ADAMTS17: variants seen among roughly 807,000 people sequenced by gnomAD.
The protein encoded by ADAMTS17 is A disintegrin and metalloproteinase with thrombospondin motifs 17.
In ADAMTS17, 113 loss-of-function variants were observed where a neutral mutation model predicts 141.5. The observed-to-expected ratio is 0.80, with a 90% confidence interval of 0.69 to 0.93. The LOEUF (loss-of-function observed/expected upper bound fraction) is 0.93, where lower values mean the gene tolerates loss of function less well. Among genes scored for constraint, ADAMTS17 ranks in the 40% least tolerant of loss-of-function variants. The pLI is 0.00. For synonymous variants in ADAMTS17, 768 were observed against 630.6 expected, an observed-to-expected ratio of 1.22 and a Z score of -3.27; for missense variants, 1,659 against 1,517.9, an observed-to-expected ratio of 1.09 and a Z score of -1.54.
intron 3 of ADAMTS17, among the ~76,000 whole-genome samples, chr15:100,287,810 C>T (rs973449418): frequency 1.3e-5 from 2 of 152,170 alleles, no homozygotes; most frequent in East Asian, 3.8e-4. Flanking sequence ...AAAGCAAATG[C>T]TAAGGGAATT....
At chr15:100,021,824 T>G (rs1028568573) in intron 18 of ADAMTS17, among the ~76,000 whole-genome samples, 2 of 152,008 alleles carry the variant, frequency 1.3e-5, no homozygotes, top group Admixed American at 1.3e-4. Context: ...CTGTTGGCTG[T>G]TCCTTCACTC....
intron 3 of ADAMTS17, chr15:100,306,451 C>T (rs577680178): frequency 1.4e-4 from 63 of 455,900 alleles, no homozygotes; most frequent in South Asian, 7.6e-4. Context: ...CACAGGTAGA[C>T]GCTCCACGTT....
chr15:100,201,599 T>C (rs2041336210), intron 7 of ADAMTS17, among the ~76,000 whole-genome samples: 1 of 152,238 alleles, frequency 6.6e-6, no homozygotes, highest in African/African-American at 2.4e-5. Flanking sequence ...AGGGCTCATG[T>C]TTCACACACT....
Position 100,254,026 on chromosome 15 carries a change from A to G in ADAMTS17, c.1075+110T>C, listed in dbSNP as rs2043243772. On this transcript the variant is annotated intron_variant, in intron 7 of 21. Transcript: ENST00000268070. ...ACCAACTTACAGGAAGGAAGGCAAC[A>G]GAATGTGCAGTGCTTGTTTGAGGAC... 2.9e-6 allele frequency: 3 copies of G among 1,024,408 alleles called. No homozygotes were observed. In the Admixed American group the frequency reaches 5.7e-5, roughly 19 times the overall value. 63.5% of individuals were successfully genotyped at this position (1,024,408 alleles called of 1,614,324 possible).
chr15:100,223,325 C>G (rs1416608504), intron 7 of ADAMTS17, among the ~76,000 whole-genome samples: 1 of 152,172 alleles, frequency 6.6e-6, no homozygotes, highest in Admixed American at 6.5e-5. Context: ...TAGGAAAAAG[C>G]ACTGACTCTT....
intron 3 of ADAMTS17, among the ~76,000 whole-genome samples, chr15:100,327,627 G>T (rs1474596307): frequency 1.3e-5 from 2 of 152,212 alleles, no homozygotes; most frequent in Non-Finnish European, 2.9e-5. Flanking sequence ...TCATAATGGA[G>T]AAATTAAAAC....
At chr15:100,077,801 T>C (rs1028473639) in intron 15 of ADAMTS17, among the ~76,000 whole-genome samples, 8 of 152,188 alleles carry the variant, frequency 5.3e-5, no homozygotes, top group African/African-American at 1.9e-4. Context: ...AGCATACAGA[T>C]TGGAAAGAAG....
At chr15:100,160,378 G>A (rs191049984) in intron 8 of ADAMTS17, among the ~76,000 whole-genome samples, 48 of 152,298 alleles carry the variant, frequency 3.2e-4, no homozygotes, top group Admixed American at 2.0e-3. Context: ...CTACCAGAAG[G>A]GTTTTTCAAA....
chr15:100,164,365 A>T (rs1300899576), intron 8 of ADAMTS17, among the ~76,000 whole-genome samples: 1 of 148,284 alleles, frequency 6.7e-6, no homozygotes, highest in Non-Finnish European at 1.5e-5. Flanking sequence ...CTCATCTATG[A>T]CTAAACAGGG....
chr15:100,014,115 G>C (rs531288560), intron 18 of ADAMTS17, among the ~76,000 whole-genome samples: 3 of 152,008 alleles, frequency 2.0e-5, no homozygotes, highest in African/African-American at 7.2e-5. Flanking sequence ...AAGCTAGAAG[G>C]GTTGTATTTT....
At position 100,304,679 on chromosome 15, in the gene ADAMTS17, T is replaced by C. The variant is rs148852170; in HGVS notation, c.617-23278A>G. ...ACCTCACAGTTATTCTCATCGCTAA[T>C]TCAAATGTACAAAGCCATTTCTGCT... On this transcript the variant is annotated intron_variant, in intron 3 of 21. Transcript: ENST00000268070. 1.3e-3 allele frequency among the ~76,000 whole-genome samples: 196 copies of C among 152,352 alleles called. 1 individual carries two copies. Among genetic ancestry groups the C allele is most frequent in the African/African-American group, 4.1e-3 (170 of 41,586 alleles).
chr15:100,177,908 T>C (rs1046058574), intron 8 of ADAMTS17, among the ~76,000 whole-genome samples: 1 of 152,212 alleles, frequency 6.6e-6, no homozygotes, highest in Admixed American at 6.5e-5. Flanking sequence ...CATTATACAA[T>C]GTCCCTCTTT....
intron 14 of ADAMTS17, 116 bp downstream of exon 14, chr15:100,108,873 T>A (rs557547061): frequency 6.4e-7 from 1 of 1,573,606 alleles, no homozygotes; most frequent in Non-Finnish European, 8.7e-7. Context: ...GGTGCCTTCC[T>A]AAGAAAATCC....
rs567017481 is a variant in ADAMTS17, at chr15:100,191,129, C to G, written c.1181+8189G>C. On this transcript the variant is annotated intron_variant, in intron 8 of 21. Transcript: ENST00000268070. ...GGGATTTCAGAATCTGGTTATTTAG[C>G]CAAACTCAACTTCCCTCCTGCCTCC... Among the ~76,000 whole-genome samples the G allele has an allele frequency of 1.1e-4, 16 of 152,342 alleles. 1 individual carries two copies. In the South Asian group the frequency reaches 3.3e-3, roughly 32 times the overall value.
intron 8 of ADAMTS17, among the ~76,000 whole-genome samples, chr15:100,159,868 A>T (rs1046971288): frequency 6.6e-6 from 1 of 152,206 alleles, no homozygotes; most frequent in Non-Finnish European, 1.5e-5. Flanking sequence ...AACATTCAGG[A>T]ATGTAAGCCT....
At chr15:100,315,745 C>A (rs918681125) in intron 3 of ADAMTS17, among the ~76,000 whole-genome samples, 9 of 152,208 alleles carry the variant, frequency 5.9e-5, no homozygotes, top group Non-Finnish European at 1.0e-4. Context: ...CACACACTCA[C>A]ACACAGTCAC....
At position 100,262,839 on chromosome 15, in the gene ADAMTS17, T is replaced by G. The variant is rs79146622; in HGVS notation, c.790-404A>C. Reference sequence around the variant, plus strand: ...TAATTATGTGAAATTCAAATGTCAGTGTCCATACATCAAGTCTTATTGGAA... The same window carrying G: ...TAATTATGTGAAATTCAAATGTCAGGGTCCATACATCAAGTCTTATTGGAA... On this transcript the variant is annotated intron_variant, in intron 4 of 21. Coordinates refer to ENST00000268070, the MANE Select transcript of ADAMTS17 (RefSeq NM_139057.4). Among the ~76,000 whole-genome samples the G allele has an allele frequency of 6.1e-3, 912 of 149,012 alleles. 10 individuals carry two copies. Among genetic ancestry groups the G allele is most frequent in the African/African-American group, 0.022 (886 of 40,672 alleles).
chr15:100,199,491 G>A (rs567816013), intron 7 of ADAMTS17, 68 bp from the exon 8 acceptor site: 948 of 1,333,054 alleles, frequency 7.1e-4, no homozygotes, highest in African/African-American at 8.9e-4. Flanking sequence ...GGGCAAGTCC[G>A]CACGGTCAAC....
chr15:100,248,049 G>A (rs2043039861), intron 7 of ADAMTS17, among the ~76,000 whole-genome samples: 1 of 152,034 alleles, frequency 6.6e-6, no homozygotes, highest in Admixed American at 6.6e-5. Flanking sequence ...GGAAAGCCAT[G>A]GGACCCTCAA....
Sources: gnomAD v4.1 joint callset for allele counts (sites outside exome capture counted in the v4.1 genomes callset) on GRCh38, gnomAD v4.1.1 for gene constraint, MANE v1.5 for transcripts, NCBI Gene and HGNC (gene_info 2026-07-23, HGNC 2026-07-21) for gene names.